BICD1: variants seen among roughly 807,000 people sequenced by gnomAD.
BICD1 encodes protein bicaudal D homolog 1.
Under a neutral mutation model 92.5 loss-of-function variants are expected in BICD1, and 35 were observed. The observed-to-expected ratio is 0.38, with a 90% CI of 0.29 to 0.50. The LOEUF (loss-of-function observed/expected upper bound fraction) is 0.50. Among genes scored for constraint, BICD1 ranks in the 20% least tolerant of loss-of-function variants. The pLI is 0.93. For missense variants in BICD1, 950 were observed against 1,189.8 expected, an observed-to-expected ratio of 0.80 and a Z score of 2.97; for synonymous variants, 429 against 465.1, an observed-to-expected ratio of 0.92 and a Z score of 1.00.
intron 1 of BICD1, among the ~76,000 whole-genome samples, chr12:32,159,414 A>G (rs1401672345): frequency 6.6e-6 from 1 of 152,140 alleles, no homozygotes; most frequent in African/African-American, 2.4e-5. Flanking sequence ...TAAAAAGCAT[A>G]GTTGTCTGGG....
intron 2 of BICD1, among the ~76,000 whole-genome samples, chr12:32,277,596 G>GT (rs546617682): frequency 1.3e-3 from 191 of 152,290 alleles, no homozygotes; most frequent in African/African-American, 4.4e-3. Flanking sequence ...AAGTCAATCC[G>GT]TCCAGGTACC....
intron 1 of BICD1, among the ~76,000 whole-genome samples, chr12:32,121,592 AAAAAT>A (rs1942151810): frequency 9.5e-5 from 1 of 10,480 alleles, no homozygotes. Flanking sequence ...TTCTGTCTCC[AAAAAT>A]AAAAATAAAA....
chr12:32,222,751 T>C (rs1945571017), intron 2 of BICD1, among the ~76,000 whole-genome samples: 1 of 152,166 alleles, frequency 6.6e-6, no homozygotes, highest in South Asian at 2.1e-4. Flanking sequence ...AGCGAGTTTA[T>C]ATGAGGGCTG....
chr12:32,328,426 G>T lies in BICD1; in HGVS notation c.1971G>T (p.Arg657=). The change falls in exon 5 of 10, where the codon CGG becomes CGT. Residue 657 remains arginine (R), a synonymous_variant. Transcript: ENST00000652176. This position sits in a 1 kb window ranked among gnomAD's most constrained non-coding sequence, Gnocchi z 4.4. ...TGTCTCGTCAAAGAGCAGCGGCTCGGGAGCTAGCCCCCATGATTGATAAAG... is the reference window on the plus strand; with the variant it reads ...TGTCTCGTCAAAGAGCAGCGGCTCGTGAGCTAGCCCCCATGATTGATAAAG... ...LQLSRQRAAA[R]ELAPMIDKDK... is the part of the protein sequence containing the mutation. 6.2e-7 allele frequency: 1 copy of T among 1,614,176 alleles called. No individual in the cohort carries two copies.
At chr12:32,196,716 T>C (rs1944737575) in intron 1 of BICD1, among the ~76,000 whole-genome samples, 1 of 152,152 alleles carries the variant, frequency 6.6e-6, no homozygotes, top group South Asian at 2.1e-4. Context: ...ACATGGTGAA[T>C]ATAGTTGACG....
chr12:32,300,171 A>G (rs1239387), intron 3 of BICD1, among the ~76,000 whole-genome samples: 122,232 of 151,634 alleles, frequency 0.81, 49,386 homozygotes, highest in Non-Finnish European at 0.83. Context: ...GTGCGATCTC[A>G]GCTCACTGCA....
chr12:32,306,379 G>A (rs1948218352), intron 4 of BICD1, among the ~76,000 whole-genome samples: 1 of 151,944 alleles, frequency 6.6e-6, no homozygotes, highest in Non-Finnish European at 1.5e-5. Context: ...GAGTAGCTGG[G>A]ACTACAGGTG....
chr12:32,256,508 C>G (rs187451559), intron 2 of BICD1, among the ~76,000 whole-genome samples: 344 of 152,320 alleles, frequency 2.3e-3, no homozygotes, highest in African/African-American at 8.0e-3. Context: ...GAGATTTACC[C>G]AGTTTTGTTG....
chr12:32,187,753 A>C (rs1944459341), intron 1 of BICD1, among the ~76,000 whole-genome samples: 1 of 152,258 alleles, frequency 6.6e-6, no homozygotes, highest in South Asian at 2.1e-4. Context: ...CAAAGATGTA[A>C]GAACTACCTA....
At chr12:32,169,424 T>C (rs1943868078) in intron 1 of BICD1, among the ~76,000 whole-genome samples, 1 of 152,094 alleles carries the variant, frequency 6.6e-6, no homozygotes, top group South Asian at 2.1e-4. Flanking sequence ...CAGCTTGGCC[T>C]GGACCCATTT....
Position 32,303,325 on chromosome 12 carries a change from G to T in BICD1, c.580-2372G>T, listed in dbSNP as rs116369587. On this transcript the variant is annotated intron_variant, in intron 3 of 9. Transcript: ENST00000652176. Reference sequence around the variant, plus strand: ...CTATCCATATTCACATATACAACTGGCATTGTTAGAAACATCTGCTATACA... The same window carrying T: ...CTATCCATATTCACATATACAACTGTCATTGTTAGAAACATCTGCTATACA... Among the ~76,000 whole-genome samples, 761 of 152,216 alleles carry T rather than the reference G, an allele frequency of 5.0e-3. 5 individuals are homozygous for T. Among genetic ancestry groups the T allele is most frequent in the African/African-American group, 0.018 (729 of 41,522 alleles).
intron 1 of BICD1, among the ~76,000 whole-genome samples, chr12:32,139,086 A>AT (rs1942822000): frequency 1.3e-5 from 2 of 152,122 alleles, no homozygotes; most frequent in South Asian, 2.1e-4. Context: ...TTGTTTAAAC[A>AT]TTTTTTACAA....
chr12:32,258,609 C>T (rs1194149786), intron 2 of BICD1, among the ~76,000 whole-genome samples: 4 of 151,648 alleles, frequency 2.6e-5, no homozygotes, highest in East Asian at 1.9e-4. Context: ...TACAAGACAA[C>T]GGGGCAGGGT....
chr12:32,378,741 T>C lies in BICD1; in HGVS notation c.*1114T>C, dbSNP rs1288699384. 6.6e-6 allele frequency: 1 copy of C among 152,194 alleles called. No individual in the cohort carries two copies. The highest frequency in any genetic ancestry group is 1.5e-5 in the Non-Finnish European group (1 of 68,032). 9.4% of individuals were successfully genotyped at this position (152,194 alleles called of 1,614,324 possible). A position where few individuals can be genotyped will look rare whatever the true frequency, so the allele number is the denominator to read the frequency against. ...GTTTTGTTGTTGTTAGTTTTTTTCA[T>C]AACGAATCTTCCTTGCCAAAAAAAC... On this transcript the variant is annotated 3_prime_UTR_variant, in exon 10 of 10. Transcript: ENST00000652176.
intron 1 of BICD1, among the ~76,000 whole-genome samples, chr12:32,156,607 AT>A (rs1943445035): frequency 6.6e-6 from 1 of 152,144 alleles, no homozygotes; most frequent in Non-Finnish European, 1.5e-5. Flanking sequence ...AAATTCTGAC[AT>A]TTGCTTTTTG....
intron 1 of BICD1, among the ~76,000 whole-genome samples, chr12:32,134,146 A>G (rs1942649252): frequency 6.6e-6 from 1 of 152,170 alleles, no homozygotes; most frequent in Admixed American, 6.5e-5. Flanking sequence ...TGCACTGTAG[A>G]TTAGGAACAT....
At chr12:32,284,922 G>C (rs559441685) in intron 2 of BICD1, among the ~76,000 whole-genome samples, 2 of 152,094 alleles carry the variant, frequency 1.3e-5, no homozygotes, top group Non-Finnish European at 2.9e-5. Context: ...AAATAGCACC[G>C]AACTTAGGCA....
At chr12:32,175,186 C>T (rs527258851) in intron 1 of BICD1, among the ~76,000 whole-genome samples, 20 of 152,208 alleles carry the variant, frequency 1.3e-4, no homozygotes, top group Admixed American at 3.9e-4. Flanking sequence ...TAGTTTATCC[C>T]CAGCATTCTG....
chr12:32,178,557 C>T (rs1366545035), intron 1 of BICD1, among the ~76,000 whole-genome samples: 1 of 151,960 alleles, frequency 6.6e-6, no homozygotes, highest in Non-Finnish European at 1.5e-5. Flanking sequence ...GGGGACTGGC[C>T]TGTTGGCTAG....
Sources: allele counts gnomAD v4.1 joint callset (sites outside exome capture counted in the v4.1 genomes callset), GRCh38; gene constraint gnomAD v4.1.1; non-coding constraint Gnocchi (gnomAD v3.1); transcripts MANE v1.5; gene names NCBI Gene and HGNC (gene_info 2026-07-23, HGNC 2026-07-21).